The following KSR1 variants were observed in gnomAD, a reference collection of about 807,000 sequenced individuals.
KSR1 encodes kinase suppressor of ras 1, also known as kinase suppressor of ras.
KSR1 carries 35 observed loss-of-function variants against 92.9 expected under a neutral mutation model. That is an observed-to-expected ratio of 0.38 (90% CI 0.29 to 0.50). KSR1 has a LOEUF of 0.50. KSR1 is among the 20% of genes least tolerant of loss of function. The probability of loss-of-function intolerance (pLI) is 0.94; values close to 1 mark genes in which losing one functional copy is unlikely to be tolerated. For synonymous variants in KSR1, 467 were observed against 472.6 expected (o/e 0.99, Z 0.15); for missense variants, 972 against 1,158.5 (o/e 0.84, Z 2.34).
At chr17:27,526,854 C>T (rs2070324150) in intron 1 of KSR1, 2 of 699,842 alleles carry the variant, frequency 2.9e-6, no homozygotes, top group Admixed American at 2.5e-5. Context: ...GGAAGGAGTG[C>T]TCTGCAGGAA....
intron 1 of KSR1, among the ~76,000 whole-genome samples, chr17:27,499,337 C>G (rs1171184606): frequency 3.3e-5 from 5 of 152,110 alleles, no homozygotes; most frequent in African/African-American, 4.8e-5. Flanking sequence ...CACTTGGGAA[C>G]CTGGTTATTA....
chr17:27,497,935 T>C (rs2069046238), intron 1 of KSR1, among the ~76,000 whole-genome samples: 1 of 152,126 alleles, frequency 6.6e-6, no homozygotes. Flanking sequence ...CTTTCCGGGA[T>C]GGGCAGGCAG....
At chr17:27,507,005 A>T (rs2069409703) in intron 1 of KSR1, among the ~76,000 whole-genome samples, 1 of 152,212 alleles carries the variant, frequency 6.6e-6, no homozygotes, top group South Asian at 2.1e-4. Flanking sequence ...TGAAATGTTC[A>T]TTCTGCTTTT....
chr17:27,598,440 G>A (rs1322633764), intron 10 of KSR1, among the ~76,000 whole-genome samples: 1 of 152,180 alleles, frequency 6.6e-6, no homozygotes, highest in Admixed American at 6.5e-5. Context: ...CTTCTCCTGG[G>A]ACTTCTTTTG....
At position 27,513,613 on chromosome 17, in the gene KSR1, G is replaced by T. The variant is rs187857265; in HGVS notation, c.232-36955G>T. 1.1e-4 allele frequency among the ~76,000 whole-genome samples: 17 copies of T among 152,284 alleles called. No homozygotes were observed. The East Asian group carries it at 3.3e-3, about 29-fold the overall frequency. On this transcript the variant is annotated intron_variant, in intron 1 of 20. Coordinates refer to ENST00000644974, the MANE Select transcript of KSR1 (RefSeq NM_001394583.1). ...TCACCTTAGCAAGGGTGTGTCTGCT[G>T]GGACCCCAGGGAAGCTTTGCTTACT...
intron 18 of KSR1, among the ~76,000 whole-genome samples, chr17:27,616,642 G>C (rs1451108422): frequency 1.3e-5 from 2 of 152,200 alleles, no homozygotes; most frequent in Non-Finnish European, 2.9e-5. Flanking sequence ...TGCTGAGTCT[G>C]TGTGGGTGTA....
intron 18 of KSR1, among the ~76,000 whole-genome samples, chr17:27,615,173 C>A (rs1175963985): frequency 6.6e-6 from 1 of 152,272 alleles, no homozygotes; most frequent in Admixed American, 6.5e-5. Context: ...GCTTTTCACT[C>A]TGGCACTCCG....
intron 1 of KSR1, among the ~76,000 whole-genome samples, chr17:27,495,821 C>T (rs759030404): frequency 6.6e-5 from 10 of 151,832 alleles, no homozygotes; most frequent in Non-Finnish European, 7.3e-5. Flanking sequence ...ACATGCTTTT[C>T]AAAGCCTGGA....
intron 1 of KSR1, among the ~76,000 whole-genome samples, chr17:27,525,167 G>C (rs1035153795): frequency 1.3e-5 from 2 of 152,246 alleles, no homozygotes; most frequent in Non-Finnish European, 2.9e-5. Context: ...CTGGGAGCCA[G>C]GTGGCCTGGG....
intron 1 of KSR1, among the ~76,000 whole-genome samples, chr17:27,501,237 A>C (rs1042929070): frequency 2.7e-4 from 38 of 140,436 alleles, no homozygotes; most frequent in Admixed American, 2.9e-4. Flanking sequence ...ATATTAGGTC[A>C]TCAGGAGTTG....
At chr17:27,621,805 T>G in intron 20 of KSR1, 1 of 894,156 alleles carries the variant, frequency 1.1e-6, no homozygotes, top group Non-Finnish European at 1.8e-6. Flanking sequence ...TGGCCCTTTC[T>G]CTCTGGAAGA....
chr17:27,620,262 G>A (rs2074187545), intron 19 of KSR1, among the ~76,000 whole-genome samples: 1 of 152,142 alleles, frequency 6.6e-6, no homozygotes, highest in Admixed American at 6.5e-5. Flanking sequence ...AGCCATAGAG[G>A]TATACATTTT....
At chr17:27,515,766 T>C (rs1207138181) in intron 1 of KSR1, among the ~76,000 whole-genome samples, 1 of 152,084 alleles carries the variant, frequency 6.6e-6, no homozygotes, top group Non-Finnish European at 1.5e-5. Context: ...CCCAACATGG[T>C]AGAAATGTGG....
At chr17:27,509,662 A>G (rs533710379) in intron 1 of KSR1, among the ~76,000 whole-genome samples, 116 of 151,358 alleles carry the variant, frequency 7.7e-4, no homozygotes, top group African/African-American at 2.4e-3. Context: ...TCTCTAGTTT[A>G]AAACAAACAA....
intron 1 of KSR1, among the ~76,000 whole-genome samples, chr17:27,463,379 G>A (rs1312374825): frequency 6.6e-6 from 1 of 151,660 alleles, no homozygotes. Context: ...ATGGTGGCAC[G>A]CTCCTGTAGT....
intron 12 of KSR1, 136 bp downstream of exon 12, chr17:27,604,024 T>G: frequency 2.3e-6 from 2 of 858,062 alleles, no homozygotes; most frequent in Non-Finnish European, 1.9e-6. Flanking sequence ...TCATTCACCC[T>G]CTGGGCAAGT....
chr17:27,522,348 T>A (rs1274443077), intron 1 of KSR1, among the ~76,000 whole-genome samples: 1 of 152,222 alleles, frequency 6.6e-6, no homozygotes, highest in Non-Finnish European at 1.5e-5. Context: ...CCACACAGCT[T>A]TGGCCCCCGC....
chr17:27,543,870 C>T (rs1050934173), intron 1 of KSR1, among the ~76,000 whole-genome samples: 3 of 152,142 alleles, frequency 2.0e-5, no homozygotes, highest in Non-Finnish European at 4.4e-5. Flanking sequence ...ATATCTGATG[C>T]GTGGGTTCCT....
intron 4 of KSR1, among the ~76,000 whole-genome samples, chr17:27,585,018 C>T (rs953920307): frequency 1.3e-5 from 2 of 152,204 alleles, no homozygotes; most frequent in African/African-American, 2.4e-5. Flanking sequence ...CTCACTGCAA[C>T]CTCCACCTCC....
Sources: gnomAD v4.1 joint callset for allele counts (sites outside exome capture counted in the v4.1 genomes callset) on GRCh38, gnomAD v4.1.1 for gene constraint, MANE v1.5 for transcripts, NCBI Gene and HGNC (gene_info 2026-07-23, HGNC 2026-07-21) for gene names.